DNAH7: variants seen among roughly 807,000 people sequenced by gnomAD.
The protein encoded by DNAH7 is axonemal beta dynein heavy chain 7.
Under a neutral mutation model 444.6 loss-of-function variants are expected in DNAH7, and 397 were observed. The observed-to-expected ratio is 0.89, with a 90% CI of 0.82 to 0.97. The LOEUF is 0.97. Ranked by LOEUF, DNAH7 falls within the 50% of genes least tolerant of loss-of-function variation. The pLI is 0.00. For missense variants in DNAH7, 4,902 were observed against 4,800.8 expected, an observed-to-expected ratio of 1.02 and a Z score of -0.62; for synonymous variants, 1,636 against 1,624.4, an observed-to-expected ratio of 1.01 and a Z score of -0.17.
chr2:195,909,381 C>G (rs940239092), intron 25 of DNAH7, among the ~76,000 whole-genome samples: 1 of 152,106 alleles, frequency 6.6e-6, no homozygotes, highest in Non-Finnish European at 1.5e-5. Flanking sequence ...CAGACACAAG[C>G]TGCTAAAATA....
intron 64 of DNAH7, 118 bp downstream of exon 64, chr2:195,740,646 CAT>C (rs878858992): frequency 0.18 from 10,446 of 56,718 alleles, 569 homozygotes; most frequent in East Asian, 0.41. Flanking sequence ...TATATATATA[CAT>C]ATACACACAC....
intron 64 of DNAH7, among the ~76,000 whole-genome samples, chr2:195,740,292 A>C (rs982733463): frequency 6.6e-6 from 1 of 152,150 alleles, no homozygotes; most frequent in Non-Finnish European, 1.5e-5. Context: ...GCCAGTGCTA[A>C]GTGCAAGAAG....
chr2:195,756,227 T>C lies in DNAH7; in HGVS notation c.11492A>G (p.Lys3831Arg). 6.2e-7 allele frequency: 1 copy of C among 1,613,790 alleles called. No individual in the cohort carries two copies. The highest frequency in any genetic ancestry group is 8.5e-7 in the Non-Finnish European group (1 of 1,179,766). The part of the protein sequence containing the change: ...EEVVSSILNV[K>R]IPEMWMGKSY... The stretch of plus-strand genomic sequence containing the variant: ...TTTACCCATCCACATTTCTGGAATT[T>C]TGACATTCAAAATGCTGCTAACCAC... The change falls in exon 62 of 65, where the codon AAA becomes AGA. Residue 3831 changes from lysine to arginine, a missense_variant. Coordinates refer to ENST00000312428, the MANE Select transcript of DNAH7 (RefSeq NM_018897.3).
intron 1 of DNAH7, among the ~76,000 whole-genome samples, chr2:196,064,412 T>G (rs1698309748): frequency 6.6e-6 from 1 of 151,804 alleles, no homozygotes; most frequent in Admixed American, 6.6e-5. Flanking sequence ...TCACTCCAAT[T>G]ATCACCCAAT....
chr2:195,966,157 T>C (rs556155264), intron 17 of DNAH7, among the ~76,000 whole-genome samples: 21 of 152,234 alleles, frequency 1.4e-4, no homozygotes, highest in Admixed American at 5.2e-4. Flanking sequence ...GTGTTTCCAT[T>C]ATCATTTGTT....
chr2:195,994,548 T>C, intron 12 of DNAH7: 1 of 481,686 alleles, frequency 2.1e-6, no homozygotes, highest in Non-Finnish European at 4.1e-6. Flanking sequence ...ATTGTGGTCT[T>C]GGTTGTTTGT....
chr2:195,853,273 CA>C, intron 46 of DNAH7, 69 bp downstream of exon 46: 1 of 1,405,162 alleles, frequency 7.1e-7, no homozygotes, highest in South Asian at 1.7e-5. Flanking sequence ...CAAAGTAAAA[CA>C]AAACCTTGAA....
intron 63 of DNAH7, among the ~76,000 whole-genome samples, chr2:195,750,160 A>T (rs985365576): frequency 2.6e-5 from 4 of 152,064 alleles, no homozygotes; most frequent in African/African-American, 9.7e-5. Context: ...TTTTTACTCC[A>T]CTGTTTTCAA....
intron 30 of DNAH7, chr2:195,894,142 A>G (rs1018422000): frequency 6.6e-6 from 1 of 152,180 alleles, no homozygotes. Flanking sequence ...CTTTAAACTT[A>G]TCTTTGAAAA....
chr2:195,861,825 T>A lies in DNAH7; in HGVS notation c.7628A>T (p.Asp2543Val), dbSNP rs769769745. 4 of 1,613,724 alleles carry A rather than the reference T, an allele frequency of 2.5e-6. No homozygotes were observed. The highest frequency in any genetic ancestry group is 2.2e-5 in the East Asian group (1 of 44,878). ...TTCAACAAAGAAAGATTTGGATAAA[T>A]CTATAGTAGAAGTGTGGAAGCTTTT... Reference protein sequence around the residue: ...MCKSFHTSTIDLSKSFFVELQ... With the variant: ...MCKSFHTSTIVLSKSFFVELQ... The change falls in exon 42 of 65, where the codon GAT becomes GTT. Residue 2543 changes from aspartate (D) to valine (V), a missense_variant. Asp to Val is a radical substitution (Grantham distance 152). Coordinates refer to ENST00000312428, the MANE Select transcript of DNAH7 (RefSeq NM_018897.3).
intron 49 of DNAH7, among the ~76,000 whole-genome samples, chr2:195,818,751 G>A (rs1697333137): frequency 6.6e-6 from 1 of 151,918 alleles, no homozygotes; most frequent in Non-Finnish European, 1.5e-5. Flanking sequence ...CCTGGCTCTG[G>A]TCACCAATGA....
chr2:195,963,279 A>G (rs1161574945), intron 17 of DNAH7, among the ~76,000 whole-genome samples: 1 of 152,116 alleles, frequency 6.6e-6, no homozygotes, highest in African/African-American at 2.4e-5. Context: ...GCAGTTATTG[A>G]CTGTTTTTTG....
intron 58 of DNAH7, 124 bp from the exon 59 acceptor site, chr2:195,778,109 C>T (rs1695150251): frequency 7.1e-6 from 6 of 848,378 alleles, no homozygotes; most frequent in Admixed American, 3.7e-5. Flanking sequence ...AACTTCCCTT[C>T]GTATGCTTCC....
intron 47 of DNAH7, among the ~76,000 whole-genome samples, chr2:195,839,704 TTAAA>T (rs1698567581): frequency 6.6e-6 from 1 of 151,674 alleles, no homozygotes; most frequent in Admixed American, 6.6e-5. Context: ...CCTACAGACA[TTAAA>T]TAAATATTAA....
intron 46 of DNAH7, among the ~76,000 whole-genome samples, chr2:195,853,135 A>G (rs561748633): frequency 6.8e-4 from 104 of 152,316 alleles, no homozygotes; most frequent in African/African-American, 2.3e-3. Context: ...TTTTAAAACA[A>G]TTAGATTTTT....
At chr2:195,771,255 C>T (rs1168529602) in intron 61 of DNAH7, among the ~76,000 whole-genome samples, 1 of 151,938 alleles carries the variant, frequency 6.6e-6, no homozygotes, top group Non-Finnish European at 1.5e-5. Flanking sequence ...CAAAGGAATC[C>T]CTTGAGCCCA....
At chr2:196,002,308 C>T (rs953314692) in intron 10 of DNAH7, among the ~76,000 whole-genome samples, 1 of 152,166 alleles carries the variant, frequency 6.6e-6, no homozygotes, top group African/African-American at 2.4e-5. Flanking sequence ...TATCTGTTTA[C>T]AGTTACTTGA....
At chr2:195,792,312 A>G (rs959916061) in intron 57 of DNAH7, among the ~76,000 whole-genome samples, 13 of 151,688 alleles carry the variant, frequency 8.6e-5, no homozygotes, top group African/African-American at 3.2e-4. Context: ...CCTCAGCATC[A>G]CTTAATATAC....
chr2:196,045,337 G>A (rs1697052039), intron 5 of DNAH7, among the ~76,000 whole-genome samples: 1 of 151,224 alleles, frequency 6.6e-6, no homozygotes, highest in African/African-American at 2.4e-5. Context: ...AAAGAGGGAG[G>A]AAGGGAGGGA....
Sources: gnomAD v4.1 joint callset for allele counts (sites outside exome capture counted in the v4.1 genomes callset) on GRCh38, gnomAD v4.1.1 for gene constraint, MANE v1.5 for transcripts, NCBI Gene and HGNC (gene_info 2026-07-23, HGNC 2026-07-21) for gene names.